Variants in LMNTD1 observed in about 807,000 individuals in gnomAD.
LMNTD1 encodes lamin tail domain containing 1, also known as lamin tail domain-containing protein 1.
LMNTD1 carries 35 observed loss-of-function variants against 50.9 expected under a neutral mutation model. The observed-to-expected ratio is 0.69, with a 90% CI of 0.53 to 0.91. The LOEUF (loss-of-function observed/expected upper bound fraction) is 0.91. Among genes scored for constraint, LMNTD1 ranks in the 40% least tolerant of loss-of-function variants. The probability of loss-of-function intolerance (pLI) is 0.00; values close to 1 mark genes in which losing one functional copy is unlikely to be tolerated. For synonymous variants in LMNTD1, 153 were observed against 161.9 expected, an observed-to-expected ratio of 0.94 and a Z score of 0.42; for missense variants, 470 against 475.5, an observed-to-expected ratio of 0.99 and a Z score of 0.11.
intron 4 of LMNTD1, among the ~76,000 whole-genome samples, chr12:25,542,101 G>A (rs1294096534): frequency 6.7e-6 from 1 of 150,152 alleles, no homozygotes; most frequent in Non-Finnish European, 1.5e-5. Context: ...TGGAGAAATA[G>A]GAACACTTTT....
intron 9 of LMNTD1, among the ~76,000 whole-genome samples, chr12:25,501,740 C>T (rs1056317212): frequency 6.6e-6 from 1 of 152,100 alleles, no homozygotes; most frequent in African/African-American, 2.4e-5. Flanking sequence ...TTACAGGTTG[C>T]CAAGGATGCT....
chr12:25,501,176 G>A (rs1314875132), intron 9 of LMNTD1, among the ~76,000 whole-genome samples: 3 of 152,034 alleles, frequency 2.0e-5, no homozygotes, highest in Non-Finnish European at 4.4e-5. Flanking sequence ...TTTTAGTAGA[G>A]ATGGGGTTTC....
chr12:25,570,784 C>G (rs773977152), intron 1 of LMNTD1, among the ~76,000 whole-genome samples: 42 of 152,206 alleles, frequency 2.8e-4, no homozygotes, highest in Admixed American at 4.6e-4. Flanking sequence ...TGCTAGCCCA[C>G]TCCATTCTTT....
At chr12:25,583,200 TGTA>T (rs1565501097) in intron 1 of LMNTD1, among the ~76,000 whole-genome samples, 10 of 148,738 alleles carry the variant, frequency 6.7e-5, no homozygotes, top group Middle Eastern at 3.5e-3. Flanking sequence ...TTTTTTTTTT[TGTA>T]TTTTTAGTAG....
intron 4 of LMNTD1, among the ~76,000 whole-genome samples, chr12:25,544,905 A>G (rs1241026993): frequency 2.0e-5 from 3 of 151,740 alleles, no homozygotes; most frequent in African/African-American, 7.2e-5. Flanking sequence ...AGTTTTCTCA[A>G]TTTACGTATT....
rs887169233 is a variant in LMNTD1 at position 25,606,102 on chromosome 12, A to T, written c.58+42392T>A. 4.6e-5 allele frequency among the ~76,000 whole-genome samples: 7 copies of T among 152,218 alleles called. No homozygotes were observed. The East Asian group carries it at 1.2e-3, about 25-fold the overall frequency. ...TTTATTCTCTTTGAAGCAGTTGTGA[A>T]TGGGAGTTCATTCATGATTTGGCTC... On this transcript the variant is annotated intron_variant, in intron 1 of 7. Coordinates refer to the LMNTD1 transcript ENST00000445693.
intron 4 of LMNTD1, among the ~76,000 whole-genome samples, chr12:25,533,928 C>G (rs796680306): frequency 9.2e-5 from 14 of 152,242 alleles, no homozygotes; most frequent in African/African-American, 3.4e-4. Context: ...CCATCTGAAT[C>G]CAGAGCTTAC....
At chr12:25,630,777 C>T (rs1377474552) in intron 1 of LMNTD1, 1 of 152,426 alleles carries the variant, frequency 6.6e-6, no homozygotes, top group East Asian at 1.9e-4. Flanking sequence ...AGAAGGAAAT[C>T]TCCAGCTGAA....
chr12:25,529,367 G>A (rs1942055951), intron 4 of LMNTD1, among the ~76,000 whole-genome samples: 1 of 152,058 alleles, frequency 6.6e-6, no homozygotes, highest in South Asian at 2.1e-4. Context: ...TTCCTACTGA[G>A]CTTCGGATCC....
chr12:25,592,799 G>C (rs1945738225), intron 1 of LMNTD1: 1 of 152,484 alleles, frequency 6.6e-6, no homozygotes, highest in Non-Finnish European at 1.5e-5. Context: ...TTTTGCAGCT[G>C]GTAAGTGGGT....
intron 9 of LMNTD1, among the ~76,000 whole-genome samples, chr12:25,477,243 T>C (rs12424412): frequency 6.6e-6 from 1 of 152,028 alleles, no homozygotes; most frequent in African/African-American, 2.4e-5. Context: ...TGAAGGGAAA[T>C]TGGGGCTGAC....
chr12:25,536,490 C>T (rs1279748508), intron 4 of LMNTD1, among the ~76,000 whole-genome samples: 1 of 151,848 alleles, frequency 6.6e-6, no homozygotes, highest in Non-Finnish European at 1.5e-5. Flanking sequence ...TTTTCAATTA[C>T]CCAAGGATAA....
At chr12:25,479,500 A>G (rs1176729892) in intron 9 of LMNTD1, among the ~76,000 whole-genome samples, 2 of 152,196 alleles carry the variant, frequency 1.3e-5, no homozygotes, top group Non-Finnish European at 1.5e-5. Context: ...TGTGACTTCA[A>G]AAGGCCATTC....
chr12:25,477,660 C>T (rs955498877), intron 9 of LMNTD1, among the ~76,000 whole-genome samples: 1 of 152,020 alleles, frequency 6.6e-6, no homozygotes, highest in Non-Finnish European at 1.5e-5. Context: ...GGTGGAGTGA[C>T]CCAAACTTTC....
chr12:25,514,056 A>G (rs1940543986), intron 8 of LMNTD1, among the ~76,000 whole-genome samples: 1 of 152,222 alleles, frequency 6.6e-6, no homozygotes, highest in Non-Finnish European at 1.5e-5. Context: ...CTTGATAAAA[A>G]TGATTCTTGT....
intron 4 of LMNTD1, among the ~76,000 whole-genome samples, chr12:25,541,496 T>C: frequency 9.2e-6 from 1 of 108,650 alleles, no homozygotes; most frequent in East Asian, 2.7e-4. Context: ...AATAAATGGT[T>C]CTGGGAAAAC....
chr12:25,518,180 T>A (rs187668787), intron 8 of LMNTD1, among the ~76,000 whole-genome samples: 59 of 152,356 alleles, frequency 3.9e-4, no homozygotes, highest in Admixed American at 1.8e-3. Context: ...CTTGGCTTTA[T>A]GTTCTTCTAC....
intron 1 of LMNTD1, among the ~76,000 whole-genome samples, chr12:25,567,355 A>G (rs1225595280): frequency 6.6e-6 from 1 of 152,198 alleles, no homozygotes; most frequent in Non-Finnish European, 1.5e-5. Flanking sequence ...TACTTCTACA[A>G]TTCAGAGTCA....
intron 1 of LMNTD1, among the ~76,000 whole-genome samples, chr12:25,642,802 T>G (rs1946982589): frequency 6.6e-6 from 1 of 152,246 alleles, no homozygotes; most frequent in Non-Finnish European, 1.5e-5. Flanking sequence ...CCTTAGCTGA[T>G]GCTCAGTGGA....
Sources: gnomAD v4.1 joint callset for allele counts (sites outside exome capture counted in the v4.1 genomes callset) on GRCh38, gnomAD v4.1.1 for gene constraint, MANE v1.5 for transcripts, NCBI Gene and HGNC (gene_info 2026-07-23, HGNC 2026-07-21) for gene names.